DMD: variants seen among roughly 807,000 people sequenced by gnomAD.
DMD encodes dystrophin.
In DMD, 63 loss-of-function variants were observed where a neutral mutation model predicts 330.1. The observed-to-expected ratio is 0.19, with a 90% CI of 0.16 to 0.24. The LOEUF (loss-of-function observed/expected upper bound fraction) is 0.24. DMD is among the 10% of genes least tolerant of loss of function. The probability of loss-of-function intolerance (pLI) is 1.00; values close to 1 mark genes in which losing one functional copy is unlikely to be tolerated. For missense variants in DMD, 3,344 were observed against 2,684.1 expected, an observed-to-expected ratio of 1.25 and a Z score of -5.43; for synonymous variants, 1,223 against 959.8, an observed-to-expected ratio of 1.27 and a Z score of -5.07.
chrX:31,332,527 T>G (rs1329480624), intron 61 of DMD, among the ~76,000 whole-genome samples: 1 of 112,151 alleles, frequency 8.9e-6, no homozygotes, highest in Non-Finnish European at 1.9e-5. Context: ...AGCCACTGCC[T>G]CTACTAACAT....
chrX:32,906,761 G>A (rs757852649), intron 2 of DMD, among the ~76,000 whole-genome samples: 1 of 111,569 alleles, frequency 9.0e-6, no homozygotes, highest in Non-Finnish European at 1.9e-5. Flanking sequence ...CTACATGAGA[G>A]AGAGCAGTTA....
rs758608701 is a variant in DMD, at chrX:32,102,128, C to T, written c.6438+114788G>A. Reference sequence around the variant, plus strand: ...CTGATCTTGGAAGCTAAGTGAGGTTCGACCTGGTTAGTACTTGGATGGGAG... The same window carrying T: ...CTGATCTTGGAAGCTAAGTGAGGTTTGACCTGGTTAGTACTTGGATGGGAG... On this transcript the variant is annotated intron_variant, in intron 44 of 78. Coordinates refer to ENST00000357033, the MANE Select transcript of DMD (RefSeq NM_004006.3). The T allele has an allele frequency of 3.6e-5, 4 of 111,614 alleles. No individual in the cohort carries two copies. In the East Asian group the frequency reaches 8.5e-4, roughly 24 times the overall value. The allele number at this position is 111,614 out of a possible 1,213,427, so 9.2% of individuals were successfully genotyped here.
chrX:32,024,949 T>C (rs1170977836), intron 44 of DMD, among the ~76,000 whole-genome samples: 1 of 111,643 alleles, frequency 9.0e-6, no homozygotes, highest in African/African-American at 3.3e-5. Flanking sequence ...GTTGCAAAGT[T>C]TTTTTCTTCT....
chrX:32,108,606 C>A (rs745926500), intron 44 of DMD, among the ~76,000 whole-genome samples: 1 of 111,819 alleles, frequency 8.9e-6, no homozygotes, highest in Non-Finnish European at 1.9e-5. Flanking sequence ...AGGCCATTTT[C>A]ATGGAACCAA....
At position 32,287,691 on chromosome X, in the gene DMD, T is replaced by C. The variant is rs777836766; in HGVS notation, c.6128A>G (p.Asp2043Gly). 12 of 1,186,235 alleles carry C rather than the reference T, an allele frequency of 1.0e-5. No individual in the cohort carries two copies. The highest frequency in any genetic ancestry group is 7.5e-5 in the South Asian group (4 of 53,119). The change falls in exon 43 of 79, where the codon GAT (aspartate) becomes GGT (glycine). Residue 2043 changes from aspartate to glycine, a missense_variant. Coordinates refer to ENST00000357033, the MANE Select transcript of DMD (RefSeq NM_004006.3). ...CCGACCTGAGCTTTGTTGTAGACTA[T>C]CTTTTATATTCTGTAATATAAAAAT... Reference protein sequence around the residue: ...KQEESLKNIKDSLQQSSGRID... With the variant: ...KQEESLKNIKGSLQQSSGRID...
chrX:32,664,302 C>A (rs951190214), intron 9 of DMD, among the ~76,000 whole-genome samples: 1 of 98,331 alleles, frequency 1.0e-5, no homozygotes, highest in South Asian at 5.1e-4. Flanking sequence ...AGTGCAGTAG[C>A]GCGATATCCG....
intron 60 of DMD, among the ~76,000 whole-genome samples, chrX:31,428,908 T>G (rs1025796780): frequency 6.3e-5 from 7 of 111,129 alleles, no homozygotes; most frequent in Non-Finnish European, 1.1e-4. Flanking sequence ...GATCACGAGG[T>G]CAGGAGTTCG....
chrX:32,110,385 G>T (rs1407965931), intron 44 of DMD, among the ~76,000 whole-genome samples: 1 of 111,867 alleles, frequency 8.9e-6, no homozygotes, highest in Non-Finnish European at 1.9e-5. Context: ...AAAAGAATGA[G>T]AATGAGACAT....
At chrX:31,160,970 A>T (rs904708630) in intron 74 of DMD, among the ~76,000 whole-genome samples, 3 of 111,602 alleles carry the variant, frequency 2.7e-5, no homozygotes, top group African/African-American at 9.8e-5. Flanking sequence ...CCAAGTTTGA[A>T]TACAGGTCCT....
At chrX:33,045,374 T>C (rs1360797588) in intron 1 of DMD, among the ~76,000 whole-genome samples, 3 of 104,529 alleles carry the variant, frequency 2.9e-5, no homozygotes, top group African/African-American at 1.0e-4. Flanking sequence ...CATTCTTAAG[T>C]TCCATCCTTT....
At chrX:33,064,262 A>G (rs2094618404) in intron 1 of DMD, among the ~76,000 whole-genome samples, 1 of 111,398 alleles carries the variant, frequency 9.0e-6, no homozygotes, top group Non-Finnish European at 1.9e-5. Context: ...CACTCACTCT[A>G]TAGCAAAAAT....
At chrX:32,172,550 G>A (rs2096891343) in intron 44 of DMD, among the ~76,000 whole-genome samples, 1 of 111,391 alleles carries the variant, frequency 9.0e-6, no homozygotes. Flanking sequence ...AATGTTTCCA[G>A]ACTGTGAAGC....
intron 1 of DMD, among the ~76,000 whole-genome samples, chrX:33,275,602 A>C (rs928748779): frequency 1.8e-5 from 2 of 111,785 alleles, no homozygotes; most frequent in African/African-American, 6.5e-5. Flanking sequence ...AGAAGGTCAG[A>C]AGAAGGGAGC....
At chrX:31,146,848 A>G (rs2036763228) in intron 75 of DMD, among the ~76,000 whole-genome samples, 1 of 112,206 alleles carries the variant, frequency 8.9e-6, no homozygotes, top group African/African-American at 3.2e-5. Flanking sequence ...GTCCTCTTAC[A>G]ATGCAGTATC....
chrX:32,866,666 C>T (rs1485224010), intron 2 of DMD, among the ~76,000 whole-genome samples: 1 of 94,760 alleles, frequency 1.1e-5, no homozygotes, highest in Non-Finnish European at 2.0e-5. Context: ...TTGTCAGTTT[C>T]ATAGAAATTT....
intron 57 of DMD, among the ~76,000 whole-genome samples, chrX:31,482,195 T>G (rs991414988): frequency 1.0e-5 from 1 of 97,945 alleles, no homozygotes; most frequent in African/African-American, 4.1e-5. Flanking sequence ...TATTGAAGAG[T>G]AATATTAAAA....
At chrX:33,331,635 T>G (rs1345167627) in intron 1 of DMD, among the ~76,000 whole-genome samples, 1 of 111,571 alleles carries the variant, frequency 9.0e-6, no homozygotes, top group Non-Finnish European at 1.9e-5. Flanking sequence ...TTCTGGAAAT[T>G]TGATAAGCAC....
At chrX:33,061,388 C>A (rs2094580099) in intron 1 of DMD, among the ~76,000 whole-genome samples, 2 of 111,935 alleles carry the variant, frequency 1.8e-5, no homozygotes, top group Admixed American at 1.9e-4. Flanking sequence ...AATCTTTTAA[C>A]ATTCAAAGTG....
intron 18 of DMD, chrX:32,517,753 T>C (rs1471505340): frequency 1.7e-5 from 7 of 422,898 alleles, no homozygotes; most frequent in African/African-American, 2.5e-5. Context: ...AAATTGTTAA[T>C]TTATAGTTAA....
Sources: allele counts gnomAD v4.1 joint callset (sites outside exome capture counted in the v4.1 genomes callset), GRCh38; gene constraint gnomAD v4.1.1; transcripts MANE v1.5; gene names NCBI Gene and HGNC (gene_info 2026-07-23, HGNC 2026-07-21).